The following ASXL1 variants were observed in gnomAD, a reference collection of about 807,000 sequenced individuals.
ASXL1 encodes polycomb group protein ASXL1.
ASXL1 carries 65 observed loss-of-function variants against 89.1 expected under a neutral mutation model. The ratio of observed to expected loss-of-function variants is 0.73; its 90% CI spans 0.60 to 0.90. The LOEUF (loss-of-function observed/expected upper bound fraction) is 0.90, where lower values mean the gene tolerates loss of function less well. Among genes scored for constraint, ASXL1 ranks in the 40% least tolerant of loss-of-function variants. The pLI, the probability that ASXL1 is intolerant of heterozygous loss-of-function variation, is 0.00. For synonymous variants in ASXL1, 739 were observed against 746.9 expected (o/e 0.99, Z 0.17); for missense variants, 1,786 against 1,942.9 (o/e 0.92, Z 1.52).
chr20:32,378,461 G>C (rs975919559), intron 4 of ASXL1, among the ~76,000 whole-genome samples: 1 of 152,146 alleles, frequency 6.6e-6, no homozygotes, highest in African/African-American at 2.4e-5. Context: ...CTGTACATTT[G>C]ACAGTTTATT....
chr20:32,361,993 C>T (rs1163170563), intron 1 of ASXL1, among the ~76,000 whole-genome samples: 8 of 151,710 alleles, frequency 5.3e-5, no homozygotes, highest in African/African-American at 1.7e-4. Context: ...CACTTGAACT[C>T]GGGAGGTGGA....
intron 4 of ASXL1, among the ~76,000 whole-genome samples, chr20:32,381,481 T>C (rs1038734342): frequency 5.6e-4 from 85 of 151,436 alleles, no homozygotes; most frequent in Middle Eastern, 3.5e-3. Context: ...AGATTATAGG[T>C]GTGAGCCACT....
At chr20:32,433,239 T>C (rs2123250824) in intron 11 of ASXL1, 45 bp from the exon 12 acceptor site, 4 of 1,613,486 alleles carry the variant, frequency 2.5e-6, no homozygotes, top group Non-Finnish European at 2.5e-6. Flanking sequence ...ATAAGAGACA[T>C]GTCCACTCTG....
At chr20:32,420,819 C>T (rs1245132354) in intron 4 of ASXL1, among the ~76,000 whole-genome samples, 2 of 152,024 alleles carry the variant, frequency 1.3e-5, no homozygotes, top group Non-Finnish European at 2.9e-5. Flanking sequence ...GGGTGAAAGA[C>T]TTGAACAGAT....
chr20:32,379,547 C>T (rs2048450910), intron 4 of ASXL1, among the ~76,000 whole-genome samples: 1 of 151,620 alleles, frequency 6.6e-6, no homozygotes, highest in African/African-American at 2.4e-5. Flanking sequence ...ATGTCACGGC[C>T]AGGCATGGTG....
rs575036058 is a variant in ASXL1 at position 32,397,686 on chromosome 20, AC to A, written c.252+28565del. On this transcript the variant is annotated intron_variant, in intron 4 of 12. Transcript: ENST00000375687. ...GCTGCTGGAATTGCAGGCGTGAGCC[AC>A]CATGCCAAGCCAATTGTGTTTTAAG... is the stretch of plus-strand genomic sequence containing the variant. 4.4e-3 allele frequency among the ~76,000 whole-genome samples: 674 copies of A among 152,310 alleles called. 5 individuals carry two copies. Among genetic ancestry groups the A allele is most frequent in the African/African-American group, 0.015 (617 of 41,568 alleles).
chr20:32,428,402 A>G lies in ASXL1; in HGVS notation c.451A>G (p.Ser151Gly), dbSNP rs767904889. ...QSRPLSNPRDSYRASSQANKQ... is the reference protein window; with the variant it reads ...QSRPLSNPRDGYRASSQANKQ... ...TCGACCTCTTTCCAATCCCAGGGAC[A>G]GCTACAGAGCTTCCTCACAGGTAAG... Residue 151 changes from serine (S) to glycine (G), a missense_variant, in exon 6 of 13, where the codon AGC becomes GGC. Ser to Gly is a moderately conservative substitution (Grantham distance 56). This residue lies in a region of ASXL1 where 332 missense variants were observed against 449.7 expected (regional missense o/e 0.74). Transcript: ENST00000375687. 1.4e-5 allele frequency: 23 copies of G among 1,613,420 alleles called. No homozygotes were observed. The highest frequency in any genetic ancestry group is 1.9e-5 in the Non-Finnish European group (22 of 1,179,556).
rs1180014276 is a variant in ASXL1, at chr20:32,432,918, G to A, written c.1018G>A (p.Glu340Lys). Residue 340 changes from glutamate (E) to lysine (K), a missense_variant, in exon 11 of 13, where the codon GAA (glutamate) becomes AAA (lysine). Glu to Lys is a moderately conservative substitution (Grantham distance 56). This residue lies in a region of ASXL1 where 332 missense variants were observed against 449.7 expected (regional missense o/e 0.74). Coordinates refer to ENST00000375687, the MANE Select transcript of ASXL1 (RefSeq NM_015338.6). ...TGAGATGCAAGTCAGGATACGACAG[G>A]AAATGGAGAAGGAAAAGAAGGTGGA... ...THEMQVRIRQ[E>K]MEKEKKVEQW... 1 of 1,614,012 alleles carries A rather than the reference G, an allele frequency of 6.2e-7. No homozygotes were observed. The highest frequency in any genetic ancestry group is 1.7e-5 in the Admixed American group (1 of 60,024).
intron 4 of ASXL1, among the ~76,000 whole-genome samples, chr20:32,409,752 TA>T (rs796189362): frequency 6.7e-5 from 10 of 148,686 alleles, no homozygotes; most frequent in East Asian, 2.0e-4. Context: ...TCCCTATCTT[TA>T]AAAAAAAAAC....
chr20:32,426,565 T>C (rs2011307899), intron 4 of ASXL1, among the ~76,000 whole-genome samples: 1 of 117,762 alleles, frequency 8.5e-6, no homozygotes, highest in Non-Finnish European at 1.7e-5. Context: ...TTTTTTTTTT[T>C]TTTTTTTTTT....
intron 1 of ASXL1, chr20:32,360,358 A>G (rs2048089544): frequency 6.5e-6 from 1 of 153,906 alleles, no homozygotes. Context: ...TCAAAATTGG[A>G]AGCTTGGGCT....
chr20:32,431,325 A>G lies in ASXL1; in HGVS notation c.723A>G (p.Gln241=). The G allele has an allele frequency of 1.7e-5, 28 of 1,614,206 alleles. No homozygotes were observed. Among genetic ancestry groups the G allele is most frequent in the Non-Finnish European group, 2.3e-5 (27 of 1,180,040 alleles). The change falls in exon 9 of 13, where the codon CAA becomes CAG. Residue 241 remains glutamine (Q), a synonymous_variant. Coordinates refer to ENST00000375687, the MANE Select transcript of ASXL1 (RefSeq NM_015338.6). ...LRGFRKPATG[Q]MKRNRGEEID... is the part of the protein sequence containing the mutation. ...ACCTTGCTTCAAAAATCATAGGTCAAATGAAGCGCAACAGAGGGGAAGAAA... is the reference window on the plus strand; with the variant it reads ...ACCTTGCTTCAAAAATCATAGGTCAGATGAAGCGCAACAGAGGGGAAGAAA...
chr20:32,367,857 G>A, intron 3 of ASXL1, 128 bp downstream of exon 3: 6 of 733,070 alleles, frequency 8.2e-6, no homozygotes, highest in African/African-American at 1.7e-5. Context: ...TTTGTAGACA[G>A]AGGTATAATA....
At chr20:32,360,652 C>T (rs1161765059) in intron 1 of ASXL1, 3 of 156,062 alleles carry the variant, frequency 1.9e-5, no homozygotes, top group East Asian at 1.6e-4. Flanking sequence ...ATCTGTTTGT[C>T]TCAAAGTTCT....
intron 4 of ASXL1, among the ~76,000 whole-genome samples, chr20:32,422,185 G>A (rs2049268697): frequency 6.6e-6 from 1 of 151,060 alleles, no homozygotes; most frequent in South Asian, 2.1e-4. Context: ...GGCCGAGAGG[G>A]GTGGTTTCAA....
intron 4 of ASXL1, among the ~76,000 whole-genome samples, chr20:32,369,329 A>G (rs1000611161): frequency 1.3e-5 from 2 of 151,618 alleles, no homozygotes; most frequent in Admixed American, 6.6e-5. Flanking sequence ...GCTCACTGCA[A>G]TCTCTGCCTC....
chr20:32,379,316 C>G (rs1341883341), intron 4 of ASXL1, among the ~76,000 whole-genome samples: 1 of 148,906 alleles, frequency 6.7e-6, no homozygotes, highest in Non-Finnish European at 1.5e-5. Flanking sequence ...TCCCAGGTAG[C>G]TGGGATTACA....
chr20:32,370,310 G>T (rs1343523722), intron 4 of ASXL1, among the ~76,000 whole-genome samples: 1 of 151,348 alleles, frequency 6.6e-6, no homozygotes, highest in African/African-American at 2.4e-5. Flanking sequence ...GAAAATCAAT[G>T]TTTTTTTGTT....
rs1391665205 is a variant in ASXL1, at chr20:32,434,457, CCTGGGT to C, written c.1746_1751del (p.Trp583_Val584del). On this transcript the variant is annotated inframe_deletion, in exon 13 of 13. Coordinates refer to ENST00000375687, the MANE Select transcript of ASXL1 (RefSeq NM_015338.6). ...ATTCAACTTTCACGTATCAAACCAC[CCTGGGT>C]GGTTAAAGGTCAGCCCACTTACCAG... 1 of 1,613,930 alleles carries C rather than the reference CCTGGGT, an allele frequency of 6.2e-7. No individual in the cohort carries two copies. Among genetic ancestry groups the C allele is most frequent in the African/African-American group, 1.3e-5 (1 of 74,910 alleles).
Sources: allele counts gnomAD v4.1 joint callset (sites outside exome capture counted in the v4.1 genomes callset), GRCh38; gene constraint gnomAD v4.1.1; regional missense constraint gnomAD v4.1.1; transcripts MANE v1.5; gene names NCBI Gene and HGNC (gene_info 2026-07-23, HGNC 2026-07-21).